Variants in MCM5 observed in about 807,000 individuals in gnomAD.
MCM5 encodes the protein DNA replication licensing factor MCM5.
In MCM5, 46 loss-of-function variants were observed where a neutral mutation model predicts 79.9. That is an observed-to-expected ratio of 0.58 (90% CI 0.45 to 0.74). The LOEUF (loss-of-function observed/expected upper bound fraction) is 0.74. Ranked by LOEUF, MCM5 falls within the 30% of genes least tolerant of loss-of-function variation. The pLI is 0.00. For missense variants in MCM5, 883 were observed against 1,017.0 expected, an observed-to-expected ratio of 0.87 and a Z score of 1.79; for synonymous variants, 404 against 390.5, an observed-to-expected ratio of 1.03 and a Z score of -0.41.
intron 2 of MCM5, among the ~76,000 whole-genome samples, chr22:35,401,068 C>G (rs1376527484): frequency 6.6e-6 from 1 of 152,220 alleles, no homozygotes; most frequent in Non-Finnish European, 1.5e-5. Flanking sequence ...GATCCACCCG[C>G]CTCAGTCTCC....
chr22:35,402,351 G>T, intron 2 of MCM5, among the ~76,000 whole-genome samples: 1 of 150,444 alleles, frequency 6.6e-6, no homozygotes. Context: ...TTTTGAGATG[G>T]AGTCTCGCTC....
At chr22:35,421,588 C>CT in intron 15 of MCM5, 128 bp downstream of exon 15, 1 of 1,344,222 alleles carries the variant, frequency 7.4e-7, no homozygotes, top group Non-Finnish European at 1.1e-6. Flanking sequence ...CTGAGCTTCT[C>CT]TGAGTTTCTT....
chr22:35,454,789 T>C, the MCM5 span, among the ~76,000 whole-genome samples: 7 of 152,314 alleles, frequency 4.6e-5, no homozygotes, highest in East Asian at 1.4e-3. Flanking sequence ...GCCTCTGCAC[T>C]GTGGACATTT....
the MCM5 span, among the ~76,000 whole-genome samples, chr22:35,443,726 C>G: frequency 6.6e-6 from 1 of 152,204 alleles, no homozygotes; most frequent in Non-Finnish European, 1.5e-5. Context: ...CAGTGGGGGC[C>G]CAGAGGGGAT....
chr22:35,405,687 G>T (rs528955634), intron 4 of MCM5, among the ~76,000 whole-genome samples: 16 of 152,176 alleles, frequency 1.1e-4, no homozygotes, highest in Non-Finnish European at 1.9e-4. Flanking sequence ...CATTTTTAAA[G>T]GCATAGCTAC....
chr22:35,444,226 A>G, the MCM5 span, among the ~76,000 whole-genome samples: 7 of 149,918 alleles, frequency 4.7e-5, no homozygotes, highest in African/African-American at 1.5e-4. Context: ...GGAGGGAGAG[A>G]GGGAGAGGAG....
downstream of MCM5, among the ~76,000 whole-genome samples, chr22:35,426,178 G>T (rs1932778400): frequency 6.6e-6 from 1 of 152,172 alleles, no homozygotes; most frequent in African/African-American, 2.4e-5. Context: ...GGTAGTTGGG[G>T]TAGGGCTCAT....
At position 35,406,570 on chromosome 22, in the gene MCM5, C is replaced by G; in HGVS notation, c.441C>G (p.His147Gln). 1 of 1,613,726 alleles carries G rather than the reference C, an allele frequency of 6.2e-7. No individual in the cohort carries two copies. The highest frequency in any genetic ancestry group is 8.5e-7 in the Non-Finnish European group (1 of 1,179,828). The change falls in exon 5 of 17, where the codon CAC becomes CAG. Residue 147 changes from histidine (H) to glutamine (Q), a missense_variant. By Grantham distance (24) the His-to-Gln change is conservative (BLOSUM62 0). Coordinates refer to ENST00000216122, the MANE Select transcript of MCM5 (RefSeq NM_006739.4). ...TATTACAGTCGGACATGATGTCACA[C>G]CTGGTGAAGATCCCTGGCATCATCA... ...IRSLKSDMMS[H>Q]LVKIPGIIIA...
At chr22:35,440,872 A>G in the MCM5 span, among the ~76,000 whole-genome samples, 1 of 152,110 alleles carries the variant, frequency 6.6e-6, no homozygotes, top group Non-Finnish European at 1.5e-5. Flanking sequence ...AACCTGACCA[A>G]CATGGAGAAA....
At chr22:35,427,999 A>AC (rs567802348), downstream of MCM5, among the ~76,000 whole-genome samples, 90 of 144,696 alleles carry the variant, frequency 6.2e-4, 1 homozygote, top group Admixed American at 1.1e-3. Context: ...ACATAGTGAG[A>AC]CCCCCATCGC....
chr22:35,400,567 A>C lies in MCM5; in HGVS notation c.129A>C (p.Arg43=). Reference sequence around the variant, plus strand: ...TCAAGGAGTTCCTGCGGCAGTACCGAGTGGGCACCGACCGCACGGGCTTCA... The same window carrying C: ...TCAAGGAGTTCCTGCGGCAGTACCGCGTGGGCACCGACCGCACGGGCTTCA... ...RRFKEFLRQY[R]VGTDRTGFTF... The change falls in exon 2 of 17, where the codon CGA becomes CGC. Residue 43 remains arginine, a synonymous_variant. Coordinates refer to ENST00000216122, the MANE Select transcript of MCM5 (RefSeq NM_006739.4). 6.2e-7 allele frequency: 1 copy of C among 1,613,496 alleles called. No homozygotes were observed. Among genetic ancestry groups the C allele is most frequent in the Non-Finnish European group, 8.5e-7 (1 of 1,179,746 alleles).
At chr22:35,425,915 T>G (rs1932776574), downstream of MCM5, among the ~76,000 whole-genome samples, 1 of 152,042 alleles carries the variant, frequency 6.6e-6, no homozygotes, top group Admixed American at 6.6e-5. Context: ...AGTGTCACAG[T>G]GAGGGAGTGC....
At chr22:35,400,720 A>T (rs1601749531) in intron 2 of MCM5, 115 bp downstream of exon 2, 1 of 1,207,534 alleles carries the variant, frequency 8.3e-7, no homozygotes, top group East Asian at 2.6e-5. Flanking sequence ...CGGGGGAAAG[A>T]GCCGGTCCTG....
At chr22:35,446,064 G>T in the MCM5 span, among the ~76,000 whole-genome samples, 2 of 152,210 alleles carry the variant, frequency 1.3e-5, no homozygotes, top group East Asian at 3.8e-4. Context: ...GAGTGGATTG[G>T]TCTCTATCTG....
intron 2 of MCM5, among the ~76,000 whole-genome samples, chr22:35,402,724 A>G (rs148211987): frequency 1.8e-4 from 27 of 152,158 alleles, no homozygotes; most frequent in African/African-American, 6.3e-4. Flanking sequence ...TCGTATTTTT[A>G]GTAGAGACTG....
chr22:35,410,741 CAGG>C lies in MCM5; in HGVS notation c.753-2_753del. The C allele has an allele frequency of 6.2e-7, 1 of 1,613,894 alleles. No homozygotes were observed. Among genetic ancestry groups the C allele is most frequent in the Non-Finnish European group, 8.5e-7 (1 of 1,179,764 alleles). The stretch of plus-strand genomic sequence containing the variant: ...TCTCCTTTCTCCTCTACCCTCCTCT[CAGG>C]TACCTGTGTGACAAGGTCGTCCCTG... On this transcript the variant is annotated splice_acceptor_variant and coding_sequence_variant, in exon 7 of 17. Transcript: ENST00000216122. LOFTEE classifies it high-confidence loss of function.
At chr22:35,447,277 G>C in the MCM5 span, among the ~76,000 whole-genome samples, 2 of 152,118 alleles carry the variant, frequency 1.3e-5, no homozygotes, top group African/African-American at 4.8e-5. Context: ...TTCCCCGACG[G>C]GTTTGGGGGT....
At chr22:35,401,641 T>C (rs1932055348) in intron 2 of MCM5, 1 of 471,056 alleles carries the variant, frequency 2.1e-6, no homozygotes, top group South Asian at 1.5e-5. Context: ...GGTAAAGCCA[T>C]TCCTGCTTTC....
Position 35,419,945 on chromosome 22 carries a change from A to C in MCM5, c.1765A>C (p.Met589Leu), listed in dbSNP as rs1336948825. The change falls in exon 14 of 17, where the codon ATG becomes CTG. Residue 589 changes from methionine (M) to leucine (L), a missense_variant. Coordinates refer to ENST00000216122, the MANE Select transcript of MCM5 (RefSeq NM_006739.4). The stretch of plus-strand genomic sequence containing the variant: ...GAAACTGAAGAACCGCTACATCATC[A>C]TGCGGAGCGGGGCCCGTCAGCACGA... The part of the protein sequence containing the change: ...AEKLKNRYII[M>L]RSGARQHERD... The C allele has an allele frequency of 6.2e-7, 1 of 1,613,330 alleles. No homozygotes were observed. The highest frequency in any genetic ancestry group is 1.7e-5 in the Admixed American group (1 of 59,930).
Sources: gnomAD v4.1 joint callset for allele counts (sites outside exome capture counted in the v4.1 genomes callset) on GRCh38, gnomAD v4.1.1 for gene constraint, MANE v1.5 for transcripts, NCBI Gene and HGNC (gene_info 2026-07-23, HGNC 2026-07-21) for gene names.